Variants in IQGAP2 observed in about 807,000 individuals in gnomAD.
IQGAP2 encodes the protein ras GTPase-activating-like protein IQGAP2.
Under a neutral mutation model 201.3 loss-of-function variants are expected in IQGAP2, and 173 were observed. The ratio of observed to expected loss-of-function variants is 0.86; its 90% confidence interval spans 0.76 to 0.98. The LOEUF (loss-of-function observed/expected upper bound fraction) is 0.98. Among genes scored for constraint, IQGAP2 ranks in the 50% least tolerant of loss-of-function variants. The pLI is 0.00. For missense variants in IQGAP2, 1,687 were observed against 1,864.8 expected (o/e 0.90, Z 1.76); for synonymous variants, 675 against 673.9 (o/e 1.00, Z -0.03).
intron 2 of IQGAP2, among the ~76,000 whole-genome samples, chr5:76,550,876 T>C (rs1226882995): frequency 3.3e-5 from 5 of 152,108 alleles, no homozygotes; most frequent in East Asian, 1.9e-4. Context: ...GTACACCTCC[T>C]AGACGGGGTG....
At chr5:76,494,839 G>A (rs564391723) in intron 2 of IQGAP2, among the ~76,000 whole-genome samples, 18 of 152,256 alleles carry the variant, frequency 1.2e-4, no homozygotes, top group African/African-American at 4.1e-4. Context: ...AACAGAGAAC[G>A]TCGACATGTG....
intron 12 of IQGAP2, chr5:76,609,047 G>A: frequency 4.7e-6 from 7 of 1,500,214 alleles, no homozygotes; most frequent in South Asian, 1.2e-5. Context: ...TTCCCAGAGG[G>A]CTTCTGGGTA....
intron 33 of IQGAP2, among the ~76,000 whole-genome samples, chr5:76,698,444 C>G (rs1018457741): frequency 2.6e-5 from 4 of 152,016 alleles, no homozygotes; most frequent in African/African-American, 9.7e-5. Context: ...CTTTTTTAGC[C>G]AAAGATTTTT....
chr5:76,608,383 A>AT (rs1747979568), intron 12 of IQGAP2, among the ~76,000 whole-genome samples: 1 of 152,130 alleles, frequency 6.6e-6, no homozygotes, highest in East Asian at 1.9e-4. Flanking sequence ...TCTTGGTTTT[A>AT]TTTTTTTCTT....
At chr5:76,449,022 C>T (rs1316806198) in intron 1 of IQGAP2, among the ~76,000 whole-genome samples, 2 of 152,168 alleles carry the variant, frequency 1.3e-5, no homozygotes, top group Non-Finnish European at 2.9e-5. Flanking sequence ...CTCTCATCTA[C>T]CCAGCTTAGA....
chr5:76,551,605 C>T (rs1743532375), intron 2 of IQGAP2, among the ~76,000 whole-genome samples: 1 of 152,136 alleles, frequency 6.6e-6, no homozygotes, highest in African/African-American at 2.4e-5. Context: ...GCAATCCCGG[C>T]ACCTCGGGAG....
chr5:76,625,484 G>C (rs1561525603), intron 13 of IQGAP2, among the ~76,000 whole-genome samples: 2 of 151,946 alleles, frequency 1.3e-5, no homozygotes, highest in African/African-American at 4.8e-5. Context: ...TTTCCACCCG[G>C]CTTCCTGTTT....
At position 76,594,626 on chromosome 5, in the gene IQGAP2, A is replaced by T. The variant is rs192293030; in HGVS notation, c.907+1701A>T. ...AACTGAAAGTAACCTTAGGAAAAAA[A>T]CCCTCATTTTGATGACATGACAATG... On this transcript the variant is annotated intron_variant, in intron 9 of 35. Coordinates refer to ENST00000274364, the MANE Select transcript of IQGAP2 (RefSeq NM_006633.5). Among the ~76,000 whole-genome samples, 4 of 152,264 alleles carry T rather than the reference A, an allele frequency of 2.6e-5. No homozygotes were observed. The South Asian group carries it at 6.2e-4, about 24-fold the overall frequency.
chr5:76,515,958 G>A (rs1231825996), intron 2 of IQGAP2, among the ~76,000 whole-genome samples: 12 of 145,694 alleles, frequency 8.2e-5, no homozygotes, highest in Non-Finnish European at 1.5e-4. Context: ...GCTCACTGCA[G>A]CCTTGACCTC....
chr5:76,681,682 C>T (rs950956675), intron 28 of IQGAP2, among the ~76,000 whole-genome samples: 7 of 151,842 alleles, frequency 4.6e-5, no homozygotes, highest in African/African-American at 7.3e-5. Flanking sequence ...TGGAGTATGG[C>T]GGCACGATCA....
chr5:76,531,478 T>C (rs1759291936), intron 2 of IQGAP2, among the ~76,000 whole-genome samples: 1 of 152,154 alleles, frequency 6.6e-6, no homozygotes, highest in African/African-American at 2.4e-5. Context: ...TTGTCCAGGC[T>C]AGCTCAAGCT....
intron 2 of IQGAP2, among the ~76,000 whole-genome samples, chr5:76,533,304 A>T (rs1419048562): frequency 1.3e-5 from 2 of 152,298 alleles, no homozygotes; most frequent in South Asian, 4.1e-4. Flanking sequence ...GGGATGGTGC[A>T]GTAGAATGTT....
At chr5:76,630,576 C>T (rs390086) in intron 14 of IQGAP2, among the ~76,000 whole-genome samples, 140,541 of 152,226 alleles carry the variant, frequency 0.92, 65,122 homozygotes, top group Middle Eastern at 0.97. Flanking sequence ...GAAATGTGTG[C>T]CTTTTGTAAT....
chr5:76,565,844 C>T (rs1744709691), intron 3 of IQGAP2, among the ~76,000 whole-genome samples: 1 of 152,154 alleles, frequency 6.6e-6, no homozygotes, highest in African/African-American at 2.4e-5. Flanking sequence ...TCCTGCAGAA[C>T]CACCTAATGG....
At chr5:76,666,512 A>G (rs1030739484) in intron 22 of IQGAP2, among the ~76,000 whole-genome samples, 1 of 152,240 alleles carries the variant, frequency 6.6e-6, no homozygotes. Flanking sequence ...TTATGGGAAG[A>G]AGAAAAAGTG....
intron 1 of IQGAP2, among the ~76,000 whole-genome samples, chr5:76,405,845 A>G (rs1750767683): frequency 6.6e-6 from 1 of 152,124 alleles, no homozygotes; most frequent in African/African-American, 2.4e-5. Flanking sequence ...TTTCTTGTTT[A>G]TTGGTTTGGT....
chr5:76,471,176 A>G (rs1016237054), intron 2 of IQGAP2, among the ~76,000 whole-genome samples: 2 of 152,200 alleles, frequency 1.3e-5, no homozygotes, highest in African/African-American at 2.4e-5. Flanking sequence ...AGGAGAGGGA[A>G]TCTTGGCAAG....
chr5:76,433,444 T>C (rs1447371471), intron 1 of IQGAP2, among the ~76,000 whole-genome samples: 1 of 152,180 alleles, frequency 6.6e-6, no homozygotes, highest in East Asian at 1.9e-4. Flanking sequence ...AGCTAAATTC[T>C]TGCTGAATTC....
intron 2 of IQGAP2, among the ~76,000 whole-genome samples, chr5:76,536,630 A>G (rs1361707105): frequency 6.6e-6 from 1 of 151,744 alleles, no homozygotes; most frequent in Non-Finnish European, 1.5e-5. Flanking sequence ...GTGGTGGTGC[A>G]CGCCTGTAAT....
Sources: allele counts gnomAD v4.1 joint callset (sites outside exome capture counted in the v4.1 genomes callset), GRCh38; gene constraint gnomAD v4.1.1; transcripts MANE v1.5; gene names NCBI Gene and HGNC (gene_info 2026-07-23, HGNC 2026-07-21).